Variants in CLEC20A observed in about 807,000 individuals in gnomAD.
The protein encoded by CLEC20A is putative C-type lectin domain family 20 member A.
At chr1:178,482,985 C>T in intron 6 of CLEC20A, 190 bp downstream of exon 6, 2 of 387,310 alleles carry the variant, frequency 5.2e-6, no homozygotes, top group East Asian at 3.7e-5. Flanking sequence ...AATTCAGAAA[C>T]TTGTCCCCTA....
At chr1:178,482,735 C>G (rs1288732860) in intron 6 of CLEC20A, 1 of 222,904 alleles carries the variant, frequency 4.5e-6, no homozygotes, top group African/African-American at 2.3e-5. Flanking sequence ...ATACTCATCT[C>G]TCCTTGAGCT....
At position 178,494,573 on chromosome 1, in the gene CLEC20A, C is replaced by T. The variant is rs1649341805; in HGVS notation, c.278G>A (p.Trp93Ter). Residue 93 changes from tryptophan (W) to a stop codon, truncating the protein, a stop_gained, in exon 2 of 8, where the codon TGG becomes TAG. Coordinates refer to ENST00000623247, the Ensembl canonical transcript of CLEC20A. LOFTEE classifies it high-confidence loss of function. ...CCCAAATTCAGGTAGCTTCTGGCCCCACTCCAGGGCTGTGAAGGTGGAGCC... is the reference window on the plus strand; with the variant it reads ...CCCAAATTCAGGTAGCTTCTGGCCCTACTCCAGGGCTGTGAAGGTGGAGCC... 2.5e-6 allele frequency: 1 copy of T among 399,298 alleles called. No homozygotes were observed. The highest frequency in any genetic ancestry group is 4.4e-6 in the Non-Finnish European group (1 of 226,218). 24.7% of individuals were successfully genotyped at this position (399,298 alleles called of 1,614,324 possible).
chr1:178,498,042 C>T (rs983599833), upstream of CLEC20A, among the ~76,000 whole-genome samples: 5 of 152,070 alleles, frequency 3.3e-5, no homozygotes. Flanking sequence ...CTCACAGCAA[C>T]CACATGACGT....
chr1:178,488,203 G>A (rs943267437), intron 5 of CLEC20A, among the ~76,000 whole-genome samples: 4 of 152,190 alleles, frequency 2.6e-5, no homozygotes, highest in Admixed American at 1.3e-4. Context: ...CTGAGAGACC[G>A]TACGGCCTCT....
At chr1:178,488,096 C>A (rs776634503) in intron 5 of CLEC20A, among the ~76,000 whole-genome samples, 22 of 152,230 alleles carry the variant, frequency 1.4e-4, no homozygotes, top group Admixed American at 1.4e-3. Context: ...GTGCTTCCCT[C>A]TGGATGCTGA....
Position 178,488,184 on chromosome 1 carries a change from G to T in CLEC20A, c.928+317C>A, listed in dbSNP as rs79063975. ...CCCCTCCACCTCCCCCAGGGCCTCA[G>T]CCTCTCACCTGAGAGACCGTACGGC... On this transcript the variant is annotated intron_variant, in intron 5 of 7. Transcript: ENST00000623247. 6.3e-3 allele frequency among the ~76,000 whole-genome samples: 962 copies of T among 152,302 alleles called. 6 individuals are homozygous for T. The highest frequency in any genetic ancestry group is 0.021 in the African/African-American group (887 of 41,566).
At chr1:178,491,674 T>C (rs1444921952) in intron 3 of CLEC20A, among the ~76,000 whole-genome samples, 1 of 152,178 alleles carries the variant, frequency 6.6e-6, no homozygotes, top group Non-Finnish European at 1.5e-5. Context: ...TACAACTCTG[T>C]ACTCCATACC....
At chr1:178,491,595 G>C (rs912460690) in intron 3 of CLEC20A, among the ~76,000 whole-genome samples, 23 of 152,120 alleles carry the variant, frequency 1.5e-4, no homozygotes, top group African/African-American at 5.6e-4. Flanking sequence ...GGCTCAGGGA[G>C]GCAACAACCT....
chr1:178,487,404 G>A (rs1258495865), intron 5 of CLEC20A, among the ~76,000 whole-genome samples: 1 of 152,174 alleles, frequency 6.6e-6, no homozygotes, highest in Non-Finnish European at 1.5e-5. Context: ...GGCCCGGCCG[G>A]CAGGATCTGG....
chr1:178,480,420 C>T (rs538818733), intron 7 of CLEC20A: 2 of 152,198 alleles, frequency 1.3e-5, no homozygotes. Flanking sequence ...GGTTTGGAGT[C>T]AGAAGCTTCA....
intron 2 of CLEC20A, among the ~76,000 whole-genome samples, chr1:178,492,818 A>G (rs1244085635): frequency 6.6e-6 from 1 of 152,238 alleles, no homozygotes; most frequent in Non-Finnish European, 1.5e-5. Context: ...GAGAAGGAGC[A>G]AATCTTGTAG....
upstream of CLEC20A, chr1:178,497,000 C>T (rs1032485917): frequency 1.3e-5 from 5 of 399,090 alleles, no homozygotes; most frequent in African/African-American, 1.0e-4. Flanking sequence ...GACCCCGGAG[C>T]TGGCGGGGAC....
chr1:178,490,280 A>G (rs1377726320), exon 4 of CLEC20A: 1 of 398,482 alleles, frequency 2.5e-6, no homozygotes, highest in Non-Finnish European at 4.4e-6. Context: ...CTTCAGTCTC[A>G]CTCATGATGG....
At chr1:178,494,456 C>G in exon 2 of CLEC20A, 4 of 399,844 alleles carry the variant, frequency 1.0e-5, no homozygotes, top group Non-Finnish European at 1.8e-5. Context: ...GAACACACCA[C>G]AGTAGCAGAG....
chr1:178,495,803 C>CT (rs147415193), intron 1 of CLEC20A: 14,977 of 152,422 alleles, frequency 0.098, 756 homozygotes, highest in African/African-American at 0.12. Context: ...CCTTCCTTGA[C>CT]TCCACCCTCT....
At chr1:178,488,994 C>A (rs1649216063) in intron 4 of CLEC20A, among the ~76,000 whole-genome samples, 1 of 151,942 alleles carries the variant, frequency 6.6e-6, no homozygotes, top group Non-Finnish European at 1.5e-5. Flanking sequence ...ATGAAAATGT[C>A]CTAAAATCAG....
intron 5 of CLEC20A, chr1:178,484,156 G>C (rs761915296): frequency 6.6e-6 from 1 of 152,212 alleles, no homozygotes; most frequent in South Asian, 2.1e-4. Context: ...ACAACCGTGT[G>C]TGTGGAAGGT....
chr1:178,485,436 T>C (rs1260772213), intron 5 of CLEC20A, among the ~76,000 whole-genome samples: 2 of 152,202 alleles, frequency 1.3e-5, no homozygotes, highest in Non-Finnish European at 2.9e-5. Context: ...ACCATACAGT[T>C]TGACATCTGT....
upstream of CLEC20A, among the ~76,000 whole-genome samples, chr1:178,498,704 A>G (rs1448582202): frequency 6.6e-6 from 1 of 152,202 alleles, no homozygotes; most frequent in Admixed American, 6.5e-5. Flanking sequence ...TCTACACAAC[A>G]TCAAACATGC....
Sources: allele counts gnomAD v4.1 joint callset (sites outside exome capture counted in the v4.1 genomes callset), GRCh38; gene constraint gnomAD v4.1.1; transcripts MANE v1.5; gene names NCBI Gene and HGNC (gene_info 2026-07-23, HGNC 2026-07-21).